The following GAGE1 variants were observed in gnomAD, a reference collection of about 807,000 sequenced individuals.
GAGE1 encodes the protein G antigen 4.
A neutral mutation model predicts 5.0 loss-of-function variants in GAGE1; 5 were observed. The ratio of observed to expected loss-of-function variants is 1.00; its 90% CI spans 0.52 to 2.11. GAGE1 has a LOEUF of 2.11. Ranked by LOEUF, GAGE1 falls within the 30% of genes most tolerant of loss-of-function variation. The pLI is 0.01. For synonymous variants in GAGE1, 6 were observed against 14.8 expected (o/e 0.40, Z 1.37); for missense variants, 9 against 38.9 (o/e 0.23, Z 2.04).
At chrX:49,605,506 T>TC (rs1557132045) in intron 4 of GAGE1, among the ~76,000 whole-genome samples, 1 of 112,290 alleles carries the variant, frequency 8.9e-6, no homozygotes, top group African/African-American at 3.2e-5. Flanking sequence ...CAAAGTGTAT[T>TC]CCGAGATTCA....
chrX:49,603,879 G>A, intron 4 of GAGE1, 86 bp downstream of exon 4: 1 of 712,827 alleles, frequency 1.4e-6, no homozygotes, highest in African/African-American at 2.0e-5. Context: ...TTGAGACGGA[G>A]TCTCGCTCTG....
intron 4 of GAGE1, chrX:49,605,289 C>T (rs2066649487): frequency 5.1e-6 from 3 of 587,754 alleles, no homozygotes; most frequent in Non-Finnish European, 6.7e-6. Context: ...TCAAATGTTA[C>T]ATGTAAATTT....
chrX:49,604,200 G>A (rs782365039), intron 4 of GAGE1, among the ~76,000 whole-genome samples: 3 of 112,611 alleles, frequency 2.7e-5, no homozygotes, highest in East Asian at 5.6e-4. Flanking sequence ...TGCCTCTTTA[G>A]TAAAGAGTTC....
intron 4 of GAGE1, chrX:49,605,154 G>T (rs1167498794): frequency 1.0e-6 from 1 of 997,195 alleles, no homozygotes; most frequent in Non-Finnish European, 1.3e-6. Flanking sequence ...AGTCAGTGAT[G>T]CTCAGCATGG....
chrX:49,604,562 C>T (rs781866642), intron 4 of GAGE1, among the ~76,000 whole-genome samples: 1 of 111,927 alleles, frequency 8.9e-6, no homozygotes, highest in Non-Finnish European at 1.9e-5. Context: ...AAACCATTTT[C>T]CATTCCGGTT....
chrX:49,604,472 T>G (rs781986646), intron 4 of GAGE1, among the ~76,000 whole-genome samples: 21 of 112,372 alleles, frequency 1.9e-4, no homozygotes, highest in African/African-American at 6.5e-4. Flanking sequence ...ACAGCCTTGG[T>G]GAGATTCTGA....
intron 4 of GAGE1, among the ~76,000 whole-genome samples, chrX:49,604,497 T>C (rs2066639512): frequency 8.9e-6 from 1 of 112,359 alleles, no homozygotes; most frequent in Non-Finnish European, 1.9e-5. Context: ...GTCCTTTCAC[T>C]TCTAAACCTA....
rs1602753053 is a variant in GAGE1, at chrX:49,607,543, C to G, written c.*1528C>G. 9.0e-6 allele frequency: 1 copy of G among 111,240 alleles called. No homozygotes were observed. Among genetic ancestry groups the G allele is most frequent in the Non-Finnish European group, 1.9e-5 (1 of 53,090 alleles). 9.2% of individuals were successfully genotyped at this position (111,240 alleles called of 1,213,427 possible). A position where few individuals can be genotyped will look rare whatever the true frequency, so the allele number is the denominator to read the frequency against. On this transcript the variant is annotated 3_prime_UTR_variant, in exon 5 of 5. Coordinates refer to ENST00000381700, the MANE Select transcript of GAGE1 (RefSeq NM_001040663.4). ...ATGAGCTTTTCTAGAATGCTTCTCTCAGATTTGGACCCTACTTAAACAGCA... is the reference window on the plus strand; with the variant it reads ...ATGAGCTTTTCTAGAATGCTTCTCTGAGATTTGGACCCTACTTAAACAGCA...
chrX:49,604,244 C>A (rs181501102), intron 4 of GAGE1, among the ~76,000 whole-genome samples: 52 of 112,205 alleles, frequency 4.6e-4, no homozygotes, highest in Non-Finnish European at 2.3e-4. Flanking sequence ...TAGTTCAGGC[C>A]CCAGCACCCG....
At chrX:49,604,293 A>T (rs1437677108) in intron 4 of GAGE1, among the ~76,000 whole-genome samples, 3 of 112,798 alleles carry the variant, frequency 2.7e-5, no homozygotes, top group Admixed American at 9.4e-5. Flanking sequence ...GCTGAGTCAA[A>T]GGTATGTTGA....
intron 4 of GAGE1, among the ~76,000 whole-genome samples, chrX:49,604,364 A>G (rs1298717737): frequency 8.9e-6 from 1 of 112,336 alleles, no homozygotes; most frequent in African/African-American, 3.2e-5. Context: ...ATGCTTTTGC[A>G]AAGGTCTGCT....
chrX:49,604,997 G>C (rs373465046), intron 4 of GAGE1: 4 of 954,977 alleles, frequency 4.2e-6, no homozygotes, highest in Non-Finnish European at 4.2e-6. Context: ...CATTTTTGTA[G>C]AGATGAGGTC....
intron 3 of GAGE1, among the ~76,000 whole-genome samples, chrX:49,602,311 T>A (rs1362983200): frequency 1.6e-4 from 16 of 97,640 alleles, no homozygotes; most frequent in African/African-American, 5.4e-4. Flanking sequence ...GTTAAGATGG[T>A]AAATTTTAGG....
chrX:49,604,041 C>T (rs1216553170), intron 4 of GAGE1, among the ~76,000 whole-genome samples: 2 of 112,557 alleles, frequency 1.8e-5, no homozygotes, highest in African/African-American at 6.5e-5. Flanking sequence ...TTAGTAGAGA[C>T]AGGGTTTCGT....
In GAGE1 at chrX:49,606,665, A is replaced by G. The variant is rs1180957105; in HGVS notation, c.*650A>G. On this transcript the variant is annotated 3_prime_UTR_variant, in exon 5 of 5. Transcript: ENST00000381700. ...AATATTTAGTGTACTTTTTTTGTAG[A>G]TGGACTTTTTCAGAGTAAGTCAAGC... is the stretch of plus-strand genomic sequence containing the variant. 1.8e-5 allele frequency: 2 copies of G among 112,306 alleles called. No individual in the cohort carries two copies. The highest frequency in any genetic ancestry group is 3.8e-5 in the Non-Finnish European group (2 of 53,305). 9.3% of individuals were successfully genotyped at this position (112,306 alleles called of 1,213,427 possible).
chrX:49,606,245 A>C lies in GAGE1; in HGVS notation c.*230A>C, dbSNP rs1249612440. The C allele has an allele frequency of 4.3e-6, 1 of 230,164 alleles. No individual in the cohort carries two copies. Among genetic ancestry groups the C allele is most frequent in the African/African-American group, 2.9e-5 (1 of 34,566 alleles). The allele number at this position is 230,164 out of a possible 1,213,427, so 19.0% of individuals were successfully genotyped here. A position where few individuals can be genotyped will look rare whatever the true frequency, so the allele number is the denominator to read the frequency against. On this transcript the variant is annotated 3_prime_UTR_variant, in exon 5 of 5. Transcript: ENST00000381700. ...CTCATGTATTGATTTTCTATCCAGCAACCTTGTTAAATATGCTTATGAATT... is the reference window on the plus strand; with the variant it reads ...CTCATGTATTGATTTTCTATCCAGCCACCTTGTTAAATATGCTTATGAATT...
At position 49,605,082 on chromosome X, in the gene GAGE1, C is replaced by G. The variant is rs112302331; in HGVS notation, c.332-911C>G. The G allele has an allele frequency of 1.9e-5, 19 of 1,018,244 alleles. No individual in the cohort carries two copies. The African/African-American group carries it at 3.3e-4, about 18-fold the overall frequency. The allele number at this position is 1,018,244 out of a possible 1,213,427, so 83.9% of individuals were successfully genotyped here. A position where few individuals can be genotyped will look rare whatever the true frequency, so the allele number is the denominator to read the frequency against. Reference sequence around the variant, plus strand: ...TTCTTAAATCTTTCCCCACGGAAACCTTGAGTGACTGAAATATCAAATGGC... The same window carrying G: ...TTCTTAAATCTTTCCCCACGGAAACGTTGAGTGACTGAAATATCAAATGGC... On this transcript the variant is annotated intron_variant, in intron 4 of 4. Transcript: ENST00000381700.
chrX:49,605,744 A>G (rs2066653862), intron 4 of GAGE1, among the ~76,000 whole-genome samples: 2 of 110,326 alleles, frequency 1.8e-5, no homozygotes, highest in Admixed American at 9.7e-5. Flanking sequence ...CCCCGTGTCT[A>G]CTAAACATAC....
chrX:49,605,209 T>C, intron 4 of GAGE1: 2 of 777,073 alleles, frequency 2.6e-6, no homozygotes, highest in Non-Finnish European at 3.4e-6. Context: ...TGCCCCACTG[T>C]CAGTCTTGAT....
Sources: allele counts gnomAD v4.1 joint callset (sites outside exome capture counted in the v4.1 genomes callset), GRCh38; gene constraint gnomAD v4.1.1; transcripts MANE v1.5; gene names NCBI Gene and HGNC (gene_info 2026-07-23, HGNC 2026-07-21).